Variants in CSMD1 observed in about 807,000 individuals in gnomAD.
CSMD1 encodes CUB and Sushi multiple domains 1.
A neutral mutation model predicts 417.5 loss-of-function variants in CSMD1; 213 were observed. The observed-to-expected ratio is 0.51, with a 90% CI of 0.46 to 0.57. The LOEUF (loss-of-function observed/expected upper bound fraction) is 0.57, where lower values mean the gene tolerates loss of function less well. CSMD1 is among the 20% of genes least tolerant of loss of function. The pLI, the probability that CSMD1 is intolerant of heterozygous loss-of-function variation, is 0.00. For synonymous variants in CSMD1, 2,862 were observed against 1,736.8 expected, an observed-to-expected ratio of 1.65 and a Z score of -16.11; for missense variants, 6,923 against 4,529.7, an observed-to-expected ratio of 1.53 and a Z score of -15.17.
At chr8:4,227,683 C>G (rs767189725) in intron 3 of CSMD1, among the ~76,000 whole-genome samples, 5 of 152,010 alleles carry the variant, frequency 3.3e-5, no homozygotes, top group Non-Finnish European at 5.9e-5. Flanking sequence ...AGCCTCCATC[C>G]TACATTAAAC....
chr8:4,418,811 A>G (rs1200213595), intron 3 of CSMD1, among the ~76,000 whole-genome samples: 8 of 152,182 alleles, frequency 5.3e-5, no homozygotes, highest in Non-Finnish European at 8.8e-5. Flanking sequence ...AACGTACTTA[A>G]AGGTGATAGA....
intron 3 of CSMD1, among the ~76,000 whole-genome samples, chr8:4,147,113 C>T (rs936387137): frequency 1.1e-4 from 16 of 151,954 alleles, no homozygotes; most frequent in African/African-American, 3.9e-4. Flanking sequence ...CCATCCCCTC[C>T]TGACCAATCT....
intron 7 of CSMD1, among the ~76,000 whole-genome samples, chr8:3,619,776 G>A (rs79892793): frequency 0.013 from 1,906 of 152,164 alleles, 20 homozygotes; most frequent in African/African-American, 0.031. Context: ...CATTTCACAG[G>A]TTAGAAAGCA....
chr8:3,019,586 G>A (rs1401421180), intron 51 of CSMD1, among the ~76,000 whole-genome samples: 1 of 152,168 alleles, frequency 6.6e-6, no homozygotes, highest in Non-Finnish European at 1.5e-5. Context: ...AGGGCATTTG[G>A]AGGCTTTCCA....
intron 1 of CSMD1, among the ~76,000 whole-genome samples, chr8:4,645,831 A>G (rs1222082627): frequency 6.6e-6 from 1 of 152,134 alleles, no homozygotes; most frequent in African/African-American, 2.4e-5. Flanking sequence ...CATTCTTCAC[A>G]GGGAGGCTTC....
At chr8:3,836,689 AT>A (rs1199147862) in intron 5 of CSMD1, among the ~76,000 whole-genome samples, 1 of 152,146 alleles carries the variant, frequency 6.6e-6, no homozygotes, top group Non-Finnish European at 1.5e-5. Flanking sequence ...TTTGTTCAAT[AT>A]GGTTAGAATT....
At position 4,994,391 on chromosome 8, in the gene CSMD1, G is replaced by A. The variant is rs1386662866; in HGVS notation, c.26C>T (p.Ser9Leu). The change falls in exon 1 of 70, where the codon TCG becomes TTG. Residue 9 changes from serine (S) to leucine (L), a missense_variant. Coordinates refer to ENST00000635120, the MANE Select transcript of CSMD1 (RefSeq NM_033225.6). MTAWRRFQ[S>L]LLLLLGLLVL... Reference sequence around the variant, plus strand: ...CAGCAGCCCGAGAAGCAGGAGCAGCGACTGGAATCTCCTCCACGCAGTCAT... The same window carrying A: ...CAGCAGCCCGAGAAGCAGGAGCAGCAACTGGAATCTCCTCCACGCAGTCAT... 2 of 1,612,312 alleles carry A rather than the reference G, an allele frequency of 1.2e-6. No individual in the cohort carries two copies. The highest frequency in any genetic ancestry group is 1.1e-5 in the South Asian group (1 of 91,076).
chr8:4,151,366 A>T (rs1046638255), intron 3 of CSMD1, among the ~76,000 whole-genome samples: 3 of 152,204 alleles, frequency 2.0e-5, no homozygotes, highest in African/African-American at 4.8e-5. Flanking sequence ...CATTAACTAC[A>T]ATTCAGTTTC....
At chr8:4,780,093 A>C (rs10095147) in intron 1 of CSMD1, among the ~76,000 whole-genome samples, 3,164 of 151,990 alleles carry the variant, frequency 0.021, 116 homozygotes, top group African/African-American at 0.073. Context: ...AATATGATAC[A>C]CCCGCGTTTT....
In CSMD1 at chr8:3,297,612, A is replaced by G. The variant is rs192506009; in HGVS notation, c.3950+10083T>C. Among the ~76,000 whole-genome samples the G allele has an allele frequency of 1.2e-3, 185 of 152,308 alleles. 1 individual carries two copies. Among genetic ancestry groups the G allele is most frequent in the African/African-American group, 4.3e-3 (179 of 41,562 alleles). ...CAATTGAACTTAACTGTGGACAAAA[A>G]TCTGTGACACTTCAGTCTCCATACT... is the stretch of plus-strand genomic sequence containing the variant. On this transcript the variant is annotated intron_variant, in intron 25 of 69. Transcript: ENST00000635120.
intron 21 of CSMD1, among the ~76,000 whole-genome samples, chr8:3,356,986 G>A (rs890249068): frequency 6.6e-6 from 1 of 152,098 alleles, no homozygotes; most frequent in African/African-American, 2.4e-5. Flanking sequence ...CCTGGGGTTG[G>A]TGGGGTCTGG....
rs371954581 is a variant in CSMD1, at chr8:4,941,875, C to T, written c.85+52457G>A. Among the ~76,000 whole-genome samples the T allele has an allele frequency of 2.6e-5, 4 of 152,310 alleles. 1 individual carries two copies. The highest frequency in any genetic ancestry group is 9.6e-5 in the African/African-American group (4 of 41,586). ...TCAGCCTACCAAAGTGCTAGGATTA[C>T]AGGTGTGAGCCACCACATCTGGCCC... On this transcript the variant is annotated intron_variant, in intron 1 of 69. Coordinates refer to ENST00000635120, the MANE Select transcript of CSMD1 (RefSeq NM_033225.6).
At position 3,691,793 on chromosome 8, in the gene CSMD1, A is replaced by T. The variant is rs1426278775; in HGVS notation, c.1009+16621T>A. On this transcript the variant is annotated intron_variant, in intron 7 of 69. Transcript: ENST00000635120. ...TTACACATTTATTTCTCTTTGGTTT[A>T]AAAAAAAGAGGCAGTTTCAGTGATC... Among the ~76,000 whole-genome samples, 8 of 152,154 alleles carry T rather than the reference A, an allele frequency of 5.3e-5. No individual in the cohort carries two copies. In the South Asian group the frequency reaches 6.2e-4, roughly 12 times the overall value.
At chr8:4,260,814 T>C (rs915044397) in intron 3 of CSMD1, among the ~76,000 whole-genome samples, 1 of 152,194 alleles carries the variant, frequency 6.6e-6, no homozygotes, top group South Asian at 2.1e-4. Flanking sequence ...AAAATTATTA[T>C]GTATATTATG....
intron 2 of CSMD1, among the ~76,000 whole-genome samples, chr8:4,466,196 G>T (rs778262780): frequency 6.6e-6 from 1 of 152,122 alleles, no homozygotes; most frequent in Non-Finnish European, 1.5e-5. Flanking sequence ...GATTGGGCAT[G>T]ATGCTTTTAT....
chr8:4,157,849 G>A (rs73508811), intron 3 of CSMD1, among the ~76,000 whole-genome samples: 5,367 of 152,210 alleles, frequency 0.035, 341 homozygotes, highest in African/African-American at 0.12. Context: ...CAGGAAAACA[G>A]GATGCTGAAG....
intron 5 of CSMD1, among the ~76,000 whole-genome samples, chr8:3,910,446 T>G (rs1236497747): frequency 6.6e-6 from 1 of 152,108 alleles, no homozygotes; most frequent in Admixed American, 6.5e-5. Context: ...ATCACGAAAT[T>G]TAAGTGTTCA....
chr8:3,754,423 T>G (rs1300856562), intron 5 of CSMD1, among the ~76,000 whole-genome samples: 1 of 144,706 alleles, frequency 6.9e-6, no homozygotes, highest in South Asian at 2.3e-4. Flanking sequence ...ATTTGAAGAC[T>G]TAGTAATTCC....
At chr8:4,075,404 T>C (rs1799770294) in intron 3 of CSMD1, among the ~76,000 whole-genome samples, 1 of 152,186 alleles carries the variant, frequency 6.6e-6, no homozygotes, top group Admixed American at 6.5e-5. Flanking sequence ...TCAAATGTTA[T>C]TTTTAATATC....
Sources: gnomAD v4.1 joint callset for allele counts (sites outside exome capture counted in the v4.1 genomes callset) on GRCh38, gnomAD v4.1.1 for gene constraint, MANE v1.5 for transcripts, NCBI Gene and HGNC (gene_info 2026-07-23, HGNC 2026-07-21) for gene names.